The following NRXN3 variants were observed in gnomAD, a reference collection of about 807,000 sequenced individuals.
NRXN3 encodes the protein neurexin 3.
NRXN3 carries 32 observed loss-of-function variants against 137.6 expected under a neutral mutation model. The ratio of observed to expected loss-of-function variants is 0.23; its 90% CI spans 0.18 to 0.31. The LOEUF (loss-of-function observed/expected upper bound fraction) is 0.31, where lower values mean the gene tolerates loss of function less well. Ranked by LOEUF, NRXN3 falls within the 10% of genes least tolerant of loss-of-function variation. The pLI is 1.00. For missense variants in NRXN3, 1,574 were observed against 2,062.5 expected (o/e 0.76, Z 4.59); for synonymous variants, 798 against 784.5 (o/e 1.02, Z -0.29).
intron 12 of NRXN3, among the ~76,000 whole-genome samples, chr14:78,966,714 T>G (rs894279912): frequency 6.6e-6 from 1 of 152,244 alleles, no homozygotes; most frequent in African/African-American, 2.4e-5. Flanking sequence ...GTATTGCATC[T>G]AATTCTTGAG....
intron 17 of NRXN3, among the ~76,000 whole-genome samples, chr14:79,683,106 T>C (rs2098678908): frequency 6.6e-6 from 1 of 152,196 alleles, no homozygotes; most frequent in Admixed American, 6.5e-5. Flanking sequence ...ACTTGAATTC[T>C]AAGCCCCTTT....
intron 17 of NRXN3, among the ~76,000 whole-genome samples, chr14:79,666,869 A>G (rs1239507768): frequency 6.6e-6 from 1 of 152,068 alleles, no homozygotes; most frequent in Non-Finnish European, 1.5e-5. Flanking sequence ...CCCATGAAGC[A>G]GCTGAAAGAA....
chr14:78,976,869 T>C (rs1460253857), intron 14 of NRXN3, among the ~76,000 whole-genome samples: 1 of 152,170 alleles, frequency 6.6e-6, no homozygotes, highest in Non-Finnish European at 1.5e-5. Flanking sequence ...TTGTCCTTTC[T>C]AGCAGAATTG....
intron 10 of NRXN3, among the ~76,000 whole-genome samples, chr14:78,893,828 CACCACAATAAAGCAGAT>C: frequency 6.6e-6 from 1 of 151,906 alleles, no homozygotes; most frequent in Non-Finnish European, 1.5e-5. Context: ...AGTTCCAGAC[CACCACAATAAAGCAGAT>C]ACCACAATAA....
chr14:79,198,528 G>A (rs1489437154), intron 15 of NRXN3, among the ~76,000 whole-genome samples: 1 of 152,220 alleles, frequency 6.6e-6, no homozygotes, highest in East Asian at 1.9e-4. Flanking sequence ...TGCCACAGCT[G>A]AACGATGTGC....
At chr14:78,874,293 T>G (rs975079698) in intron 10 of NRXN3, among the ~76,000 whole-genome samples, 1 of 152,096 alleles carries the variant, frequency 6.6e-6, no homozygotes, top group Non-Finnish European at 1.5e-5. Flanking sequence ...TCAAACATAG[T>G]TGATCATAAG....
chr14:78,421,653 C>G (rs901960319), intron 4 of NRXN3, among the ~76,000 whole-genome samples: 17 of 152,032 alleles, frequency 1.1e-4, no homozygotes, highest in African/African-American at 4.1e-4. Flanking sequence ...TTGGCCATCT[C>G]TGGATATAAG....
At chr14:78,759,607 G>A (rs537849761) in intron 8 of NRXN3, among the ~76,000 whole-genome samples, 3 of 152,208 alleles carry the variant, frequency 2.0e-5, no homozygotes, top group East Asian at 1.9e-4. Context: ...AATTGGCCTC[G>A]CATTGCTTCT....
At chr14:79,096,825 G>T (rs1275357589) in intron 15 of NRXN3, among the ~76,000 whole-genome samples, 1 of 152,002 alleles carries the variant, frequency 6.6e-6, no homozygotes, top group Non-Finnish European at 1.5e-5. Flanking sequence ...ATACCTGTCA[G>T]TTCTAAATCT....
intron 15 of NRXN3, among the ~76,000 whole-genome samples, chr14:79,166,437 T>A (rs1360992675): frequency 1.3e-5 from 2 of 151,338 alleles, no homozygotes; most frequent in Admixed American, 1.3e-4. Context: ...CTATAAAAAG[T>A]GGAAATTTAT....
chr14:79,020,136 TCC>T (rs1350207352), intron 15 of NRXN3, among the ~76,000 whole-genome samples: 24 of 9,796 alleles, frequency 2.4e-3, no homozygotes, highest in African/African-American at 0.021. Flanking sequence ...TCCCTTCCCT[TCC>T]CTTCCCTTCC....
At chr14:78,852,911 G>A (rs2099046584) in intron 10 of NRXN3, among the ~76,000 whole-genome samples, 1 of 149,650 alleles carries the variant, frequency 6.7e-6, no homozygotes. Context: ...TTAATTTTTA[G>A]CTTTCTCAAA....
intron 15 of NRXN3, among the ~76,000 whole-genome samples, chr14:79,448,754 TACAC>T (rs781195165): frequency 2.0e-4 from 30 of 152,304 alleles, no homozygotes; most frequent in Admixed American, 1.8e-3. Context: ...TGTATATACA[TACAC>T]ACATACATTC....
chr14:79,072,161 G>A (rs1415379857), intron 15 of NRXN3: 1 of 152,130 alleles, frequency 6.6e-6, no homozygotes, highest in East Asian at 1.9e-4. Context: ...TTTTTAAACA[G>A]CCATTCAAGA....
chr14:78,960,911 T>C (rs1021746891), intron 11 of NRXN3, among the ~76,000 whole-genome samples: 1 of 152,110 alleles, frequency 6.6e-6, no homozygotes, highest in Non-Finnish European at 1.5e-5. Context: ...GAGTGTGCGG[T>C]CAAACAAAAT....
At chr14:78,717,494 T>G (rs2098439381) in intron 8 of NRXN3, among the ~76,000 whole-genome samples, 1 of 152,200 alleles carries the variant, frequency 6.6e-6, no homozygotes, top group African/African-American at 2.4e-5. Flanking sequence ...CCCCTACTAA[T>G]TGTTTTTTGC....
At chr14:79,617,916 G>GAAAAAAAAAAAAAAAAAAAAAA (rs2098175722) in intron 16 of NRXN3, among the ~76,000 whole-genome samples, 1 of 64,302 alleles carries the variant, frequency 1.6e-5, no homozygotes, top group East Asian at 5.1e-4. Context: ...CTGAATAGCA[G>GAAAAAAAAAAAAAAAAAAAAAA]CAAAAAAAAA....
chr14:79,651,372 G>T (rs367635201), intron 16 of NRXN3, among the ~76,000 whole-genome samples: 117 of 152,294 alleles, frequency 7.7e-4, no homozygotes, highest in African/African-American at 2.7e-3. Context: ...ATGAACCATG[G>T]ATGGAGATAT....
chr14:78,468,611 A>C (rs952591271), intron 4 of NRXN3, among the ~76,000 whole-genome samples: 3 of 152,224 alleles, frequency 2.0e-5, no homozygotes, highest in Non-Finnish European at 4.4e-5. Flanking sequence ...GAAACAAGTC[A>C]CAAGGCCAAT....
Sources: allele counts gnomAD v4.1 joint callset (sites outside exome capture counted in the v4.1 genomes callset), GRCh38; gene constraint gnomAD v4.1.1; transcripts MANE v1.5; gene names NCBI Gene and HGNC (gene_info 2026-07-23, HGNC 2026-07-21).